The following AFF3 variants were observed in gnomAD, a reference collection of about 807,000 sequenced individuals.
AFF3 encodes the protein ALF transcription elongation factor 3.
Under a neutral mutation model 129.7 loss-of-function variants are expected in AFF3, and 32 were observed. The ratio of observed to expected loss-of-function variants is 0.25; its 90% CI spans 0.19 to 0.33. AFF3 has a LOEUF of 0.33. AFF3 is among the 10% of genes least tolerant of loss of function. The pLI, the probability that AFF3 is intolerant of heterozygous loss-of-function variation, is 1.00. For synonymous variants in AFF3, 644 were observed against 635.4 expected (o/e 1.01, Z -0.20); for missense variants, 1,373 against 1,592.0 (o/e 0.86, Z 2.34).
intron 2 of AFF3, among the ~76,000 whole-genome samples, chr2:100,124,925 A>G (rs1692122953): frequency 6.6e-6 from 1 of 152,216 alleles, no homozygotes; most frequent in Non-Finnish European, 1.5e-5. Flanking sequence ...TGATCAGCCC[A>G]GGGGTCATGA....
rs1236266494 is a variant in AFF3 at position 100,016,500 on chromosome 2, C to A, written c.54-7568G>T. 3.8e-5 allele frequency among the ~76,000 whole-genome samples: 5 copies of A among 130,688 alleles called. No homozygotes were observed. The East Asian group carries it at 1.2e-3, about 31-fold the overall frequency. The allele number at this position is 130,688 out of a possible 152,430, so 85.7% of individuals were successfully genotyped here. A position where few individuals can be genotyped will look rare whatever the true frequency, so the allele number is the denominator to read the frequency against. On this transcript the variant is annotated intron_variant, in intron 4 of 24. Transcript: ENST00000672756. ...GTTGGTGATGAAAGTGGTGATGGTA[C>A]TGGTGGTGATAGTGGTGGTGGCGGT...
At chr2:99,902,576 T>G (rs1694426015) in intron 7 of AFF3, among the ~76,000 whole-genome samples, 3 of 152,172 alleles carry the variant, frequency 2.0e-5, no homozygotes, top group Admixed American at 2.0e-4. Context: ...ACTCAGTTTT[T>G]GTGAATCAAA....
intron 4 of AFF3, among the ~76,000 whole-genome samples, chr2:100,088,428 GTT>G (rs1162617526): frequency 6.6e-6 from 1 of 152,038 alleles, no homozygotes; most frequent in Non-Finnish European, 1.5e-5. Context: ...TCCTCTTTTA[GTT>G]TTATTACTCT....
chr2:99,705,888 A>C (rs1051982813), intron 11 of AFF3, among the ~76,000 whole-genome samples: 1,599 of 150,802 alleles, frequency 0.011, 45 homozygotes, highest in African/African-American at 0.037. Flanking sequence ...AAAAAAAAAA[A>C]AAAAAAAAAA....
chr2:100,138,862 T>C (rs1257757622), intron 1 of AFF3, among the ~76,000 whole-genome samples: 3 of 150,800 alleles, frequency 2.0e-5, no homozygotes, highest in African/African-American at 7.3e-5. Flanking sequence ...GGAAAATCAC[T>C]TGAACCCAGG....
chr2:100,033,916 A>T (rs1174925254), intron 4 of AFF3, among the ~76,000 whole-genome samples: 1 of 152,210 alleles, frequency 6.6e-6, no homozygotes, highest in Non-Finnish European at 1.5e-5. Context: ...ATTCTTCAAC[A>T]TTTATCCACT....
intron 4 of AFF3, among the ~76,000 whole-genome samples, chr2:100,032,015 A>C (rs915127001): frequency 1.3e-5 from 2 of 152,266 alleles, no homozygotes; most frequent in Non-Finnish European, 2.9e-5. Flanking sequence ...AGCAACACAG[A>C]GAAGAATACC....
At chr2:99,788,396 G>A (rs1010906779) in intron 8 of AFF3, among the ~76,000 whole-genome samples, 3 of 152,104 alleles carry the variant, frequency 2.0e-5, no homozygotes, top group Non-Finnish European at 2.9e-5. Context: ...CTGTGATGTC[G>A]ATGATCCTGA....
intron 7 of AFF3, among the ~76,000 whole-genome samples, chr2:99,971,391 A>G (rs1559022268): frequency 6.6e-6 from 1 of 152,356 alleles, no homozygotes; most frequent in Non-Finnish European, 1.5e-5. Context: ...CCCTAAAATG[A>G]TTATAGTTCC....
At chr2:100,133,593 A>G (rs1054544827) in intron 1 of AFF3, among the ~76,000 whole-genome samples, 3 of 152,190 alleles carry the variant, frequency 2.0e-5, no homozygotes, top group Non-Finnish European at 4.4e-5. Context: ...GGCACATGCC[A>G]CTGTGCCTGG....
At position 99,971,364 on chromosome 2, in the gene AFF3, C is replaced by T. The variant is rs1576456174; in HGVS notation, c.873+35268G>A. ...TAATCTTCCTAAACCTTAATTTCTA[C>T]CACATCTCATCCCATTCCCTAAAAT... is the stretch of plus-strand genomic sequence containing the variant. On this transcript the variant is annotated intron_variant, in intron 7 of 24. Coordinates refer to ENST00000672756, the MANE Select transcript of AFF3 (RefSeq NM_001386135.1). Among the ~76,000 whole-genome samples, 6 of 152,328 alleles carry T rather than the reference C, an allele frequency of 3.9e-5. 1 individual carries two copies. The highest frequency in any genetic ancestry group is 3.9e-4 in the Admixed American group (6 of 15,302).
intron 12 of AFF3, among the ~76,000 whole-genome samples, chr2:99,662,100 A>C (rs1049612911): frequency 6.6e-6 from 1 of 152,058 alleles, no homozygotes; most frequent in Admixed American, 6.5e-5. Context: ...AGATCGCGCC[A>C]CTGAACTTCA....
intron 7 of AFF3, among the ~76,000 whole-genome samples, chr2:99,883,894 T>C (rs1293177307): frequency 2.6e-5 from 4 of 152,134 alleles, no homozygotes; most frequent in Non-Finnish European, 5.9e-5. Context: ...GTACAGACTT[T>C]ATTCTCTATT....
Position 99,717,830 on chromosome 2 carries a change from T to C in AFF3, c.1091+9247A>G, listed in dbSNP as rs76311398. ...TGTTTTCCTCTAGAAACTTTGTTGT[T>C]TTAGCGTTTATATTGAGATCTGTGC... is the stretch of plus-strand genomic sequence containing the variant. On this transcript the variant is annotated intron_variant, in intron 11 of 24. Transcript: ENST00000672756. Among the ~76,000 whole-genome samples the C allele has an allele frequency of 2.9e-3, 446 of 152,308 alleles. 14 individuals carry two copies. The East Asian group carries it at 0.063, about 22-fold the overall frequency.
intron 2 of AFF3, among the ~76,000 whole-genome samples, chr2:100,120,739 T>C (rs1458298512): frequency 1.3e-5 from 2 of 152,172 alleles, no homozygotes. Flanking sequence ...TAGCTCACTG[T>C]AGCCTTGAAC....
rs536312486 is a variant in AFF3, at chr2:99,785,521, T to C, written c.922-33220A>G. ...CCTTATTCCTCTTCTCTTTTTACAA[T>C]GCAATCTCATCACAGGTTCTACATG... On this transcript the variant is annotated intron_variant, in intron 8 of 24. Coordinates refer to ENST00000672756, the MANE Select transcript of AFF3 (RefSeq NM_001386135.1). Among the ~76,000 whole-genome samples the C allele has an allele frequency of 1.5e-3, 231 of 152,344 alleles. 1 individual carries two copies. The highest frequency in any genetic ancestry group is 5.4e-3 in the African/African-American group (224 of 41,580).
At chr2:100,122,739 A>G (rs1483313398) in intron 2 of AFF3, among the ~76,000 whole-genome samples, 1 of 152,238 alleles carries the variant, frequency 6.6e-6, no homozygotes, top group African/African-American at 2.4e-5. Context: ...TTCTAAAATG[A>G]GCATTTCCCA....
intron 12 of AFF3, among the ~76,000 whole-genome samples, chr2:99,658,204 A>G (rs540494186): frequency 1.3e-5 from 2 of 152,234 alleles, no homozygotes; most frequent in South Asian, 4.1e-4. Context: ...TATGGAGGGC[A>G]TAGAAGATAC....
chr2:99,664,102 A>G (rs1686473213), intron 12 of AFF3, among the ~76,000 whole-genome samples: 1 of 152,220 alleles, frequency 6.6e-6, no homozygotes, highest in Non-Finnish European at 1.5e-5. Context: ...ATTGTTTCAC[A>G]AAAACATTGG....
Sources: allele counts gnomAD v4.1 joint callset (sites outside exome capture counted in the v4.1 genomes callset), GRCh38; gene constraint gnomAD v4.1.1; transcripts MANE v1.5; gene names NCBI Gene and HGNC (gene_info 2026-07-23, HGNC 2026-07-21).